The following CNTNAP3B variants were observed in gnomAD, a reference collection of about 807,000 sequenced individuals.
The protein encoded by CNTNAP3B is contactin-associated protein-like 3B.
Under a neutral mutation model 108.9 loss-of-function variants are expected in CNTNAP3B, and 25 were observed. The observed-to-expected ratio is 0.23, with a 90% CI of 0.17 to 0.32. The LOEUF (loss-of-function observed/expected upper bound fraction) is 0.32, where lower values mean the gene tolerates loss of function less well. CNTNAP3B is among the 10% of genes least tolerant of loss of function. The pLI, the probability that CNTNAP3B is intolerant of heterozygous loss-of-function variation, is 1.00. For missense variants in CNTNAP3B, 252 were observed against 1,210.4 expected, an observed-to-expected ratio of 0.21 and a Z score of 11.75; for synonymous variants, 103 against 473.4, an observed-to-expected ratio of 0.22 and a Z score of 10.16.
chr9:41,961,706 G>A (rs1334325137), intron 11 of CNTNAP3B, among the ~76,000 whole-genome samples: 10 of 152,260 alleles, frequency 6.6e-5, no homozygotes, highest in East Asian at 1.9e-4. Flanking sequence ...AAAAAGAAAC[G>A]TCCCTAAGTA....
At chr9:41,957,997 C>T (rs1306014990) in intron 12 of CNTNAP3B, among the ~76,000 whole-genome samples, 2 of 152,282 alleles carry the variant, frequency 1.3e-5, no homozygotes, top group African/African-American at 2.4e-5. Flanking sequence ...CTCCTGACCT[C>T]GTGATCCGCC....
At position 41,997,667 on chromosome 9, in the gene CNTNAP3B, G is replaced by A; in HGVS notation, c.828C>T (p.Leu276=). 6.2e-7 allele frequency: 1 copy of A among 1,606,264 alleles called. No homozygotes were observed. Among genetic ancestry groups the A allele is most frequent in the Non-Finnish European group, 8.5e-7 (1 of 1,176,522 alleles). The change falls in exon 6 of 24, where the codon CTC becomes CTT. Residue 276 remains leucine, a synonymous_variant. Coordinates refer to ENST00000377561, the MANE Select transcript of CNTNAP3B (RefSeq NM_001201380.3). ...TGACCTGCGTGTCGAGGAGCTCGAT[G>A]AGGACGGAATGCCAGTGCTGGTCAT... ...LLDDQHWHSV[L]IELLDTQVNF...
chr9:41,919,765 A>G (rs1823618247), intron 18 of CNTNAP3B, among the ~76,000 whole-genome samples: 2 of 152,304 alleles, frequency 1.3e-5, no homozygotes, highest in African/African-American at 4.8e-5. Flanking sequence ...TACTGATGTT[A>G]AAATTAGAAC....
chr9:42,129,288 C>G lies in CNTNAP3B; in HGVS notation c.-194G>C. 2 of 694,210 alleles carry G rather than the reference C, an allele frequency of 2.9e-6. No homozygotes were observed. The highest frequency in any genetic ancestry group is 3.8e-6 in the Non-Finnish European group (2 of 519,694). 43.0% of individuals were successfully genotyped at this position (694,210 alleles called of 1,614,324 possible). A position where few individuals can be genotyped will look rare whatever the true frequency, so the allele number is the denominator to read the frequency against. On this transcript the variant is annotated 5_prime_UTR_variant, in exon 1 of 24. Coordinates refer to ENST00000377561, the MANE Select transcript of CNTNAP3B (RefSeq NM_001201380.3). The stretch of plus-strand genomic sequence containing the variant: ...CGCTGCAGACCCTCCCGCCAAGCCG[C>G]GCCCGGCCCCAGCTGCGTCTCCGAG...
intron 4 of CNTNAP3B, among the ~76,000 whole-genome samples, chr9:42,002,789 T>G (rs1826026407): frequency 1.5e-5 from 2 of 134,402 alleles, no homozygotes; most frequent in Admixed American, 7.4e-5. Context: ...GAGTCTACCT[T>G]CTTTAGACTC....
chr9:41,930,007 T>C (rs879349391), intron 14 of CNTNAP3B, among the ~76,000 whole-genome samples: 22 of 152,330 alleles, frequency 1.4e-4, no homozygotes, highest in African/African-American at 4.3e-4. Flanking sequence ...AATATCTAAG[T>C]GATTATTCTT....
At chr9:41,944,973 C>A (rs1357270896) in intron 13 of CNTNAP3B, among the ~76,000 whole-genome samples, 1 of 151,052 alleles carries the variant, frequency 6.6e-6, no homozygotes, top group Non-Finnish European at 1.5e-5. Context: ...ACAGACACTT[C>A]TCAAAAGAAG....
intron 12 of CNTNAP3B, among the ~76,000 whole-genome samples, chr9:41,957,707 A>G (rs1824904592): frequency 6.6e-6 from 1 of 152,188 alleles, no homozygotes; most frequent in Admixed American, 6.5e-5. Context: ...TCCTGGTCTG[A>G]TAATTCCAAT....
intron 13 of CNTNAP3B, among the ~76,000 whole-genome samples, chr9:41,942,886 C>T (rs1157824577): frequency 6.6e-6 from 1 of 152,214 alleles, no homozygotes; most frequent in African/African-American, 2.4e-5. Context: ...ACCAGATAAA[C>T]ATAAAACCTT....
Position 42,120,662 on chromosome 9 carries a change from G to T in CNTNAP3B, c.85+8348C>A, listed in dbSNP as rs1436093231. Among the ~76,000 whole-genome samples, 2 of 137,340 alleles carry T rather than the reference G, an allele frequency of 1.5e-5. 1 individual carries two copies. The highest frequency in any genetic ancestry group is 3.1e-5 in the Non-Finnish European group (2 of 64,550). The allele number at this position is 137,340 out of a possible 152,430, so 90.1% of individuals were successfully genotyped here. A position where few individuals can be genotyped will look rare whatever the true frequency, so the allele number is the denominator to read the frequency against. On this transcript the variant is annotated intron_variant, in intron 1 of 23. Transcript: ENST00000377561. ...CAGCCATAAAAAATGATGAGTTCAT[G>T]TCCTTTGTAGGGACATGGGTGAAGC...
intron 1 of CNTNAP3B, among the ~76,000 whole-genome samples, chr9:42,124,793 C>A (rs1375354748): frequency 7.6e-6 from 1 of 130,776 alleles, no homozygotes; most frequent in Admixed American, 7.7e-5. Flanking sequence ...GTGCCAATTA[C>A]ATCTTTGTCA....
chr9:42,070,489 C>T (rs1279195389), intron 3 of CNTNAP3B, among the ~76,000 whole-genome samples: 1 of 144,348 alleles, frequency 6.9e-6, no homozygotes, highest in Non-Finnish European at 1.5e-5. Context: ...ACCTGCTCTT[C>T]CTCTGACTCA....
chr9:41,966,779 A>G (rs1825291640), intron 10 of CNTNAP3B, among the ~76,000 whole-genome samples: 1 of 151,698 alleles, frequency 6.6e-6, no homozygotes, highest in Non-Finnish European at 1.5e-5. Flanking sequence ...CATCCTGGCT[A>G]ACACGGTGAA....
intron 18 of CNTNAP3B, among the ~76,000 whole-genome samples, chr9:41,919,575 T>C (rs1373113706): frequency 1.3e-5 from 2 of 152,308 alleles, no homozygotes; most frequent in Non-Finnish European, 2.9e-5. Context: ...AGTATGCTTG[T>C]TTTATAAGAA....
chr9:41,962,410 G>T, intron 11 of CNTNAP3B, among the ~76,000 whole-genome samples: 1 of 152,180 alleles, frequency 6.6e-6, no homozygotes, highest in Non-Finnish European at 1.5e-5. Context: ...TATTTTGATT[G>T]CAGTGAATAA....
At chr9:41,973,835 TTCTC>T (rs1825475305) in intron 9 of CNTNAP3B, among the ~76,000 whole-genome samples, 1 of 130,822 alleles carries the variant, frequency 7.6e-6, no homozygotes, top group African/African-American at 3.1e-5. Context: ...AAATTAGACT[TTCTC>T]TTTCTTTCTC....
rs555082436 is a variant in CNTNAP3B, at chr9:41,956,054, T to C, written c.1877-2668A>G. Reference sequence around the variant, plus strand: ...ATAAAGTGTTGAATATCTCATGTCATTTATTAACTACTGTACTGAGAGTAA... The same window carrying C: ...ATAAAGTGTTGAATATCTCATGTCACTTATTAACTACTGTACTGAGAGTAA... On this transcript the variant is annotated intron_variant, in intron 12 of 23. Coordinates refer to ENST00000377561, the MANE Select transcript of CNTNAP3B (RefSeq NM_001201380.3). 8.3e-4 allele frequency among the ~76,000 whole-genome samples: 127 copies of C among 152,346 alleles called. 1 individual carries two copies. Among genetic ancestry groups the C allele is most frequent in the Admixed American group, 6.9e-3 (105 of 15,282 alleles).
rs1014804730 is a variant in CNTNAP3B at position 42,036,414 on chromosome 9, T to C, written c.391-22889A>G. 4.3e-5 allele frequency among the ~76,000 whole-genome samples: 6 copies of C among 140,064 alleles called. 1 individual carries two copies. Among genetic ancestry groups the C allele is most frequent in the Non-Finnish European group, 7.7e-5 (5 of 65,180 alleles). 91.9% of individuals were successfully genotyped at this position (140,064 alleles called of 152,430 possible). A position where few individuals can be genotyped will look rare whatever the true frequency, so the allele number is the denominator to read the frequency against. The stretch of plus-strand genomic sequence containing the variant: ...CCAACTTCTTTTTTCACTTAAATGA[T>C]ATATGTCATGGAAATCTTTCTATGA... On this transcript the variant is annotated intron_variant, in intron 3 of 23. Transcript: ENST00000377561.
At chr9:41,933,078 A>T (rs1386099778) in intron 14 of CNTNAP3B, among the ~76,000 whole-genome samples, 1 of 152,268 alleles carries the variant, frequency 6.6e-6, no homozygotes, top group East Asian at 1.9e-4. Flanking sequence ...TTTTAAAACC[A>T]GGTTGCTGCA....
Sources: allele counts gnomAD v4.1 joint callset (sites outside exome capture counted in the v4.1 genomes callset), GRCh38; gene constraint gnomAD v4.1.1; transcripts MANE v1.5; gene names NCBI Gene and HGNC (gene_info 2026-07-23, HGNC 2026-07-21).